The following RAB2A variants were observed in gnomAD, a reference collection of about 807,000 sequenced individuals.
RAB2A encodes the protein RAB2A, member RAS oncogene family, also known as ras-related protein Rab-2A.
A neutral mutation model predicts 32.5 loss-of-function variants in RAB2A; 7 were observed. That is an observed-to-expected ratio of 0.22 (90% CI 0.12 to 0.40). The LOEUF (loss-of-function observed/expected upper bound fraction) is 0.40, where lower values mean the gene tolerates loss of function less well. RAB2A is among the 10% of genes least tolerant of loss of function. The pLI is 1.00. For missense variants in RAB2A, 108 were observed against 260.7 expected (o/e 0.41, Z 4.03); for synonymous variants, 79 against 85.2 (o/e 0.93, Z 0.40).
At chr8:60,608,640 A>ATT (rs148617759) in intron 6 of RAB2A, among the ~76,000 whole-genome samples, 5 of 134,834 alleles carry the variant, frequency 3.7e-5, no homozygotes, top group African/African-American at 1.4e-4. Context: ...CCTTCCCCAG[A>ATT]TTTTTTTTAC....
intron 6 of RAB2A, among the ~76,000 whole-genome samples, chr8:60,593,763 G>A (rs946834214): frequency 4.6e-5 from 7 of 152,106 alleles, no homozygotes; most frequent in African/African-American, 1.7e-4. Context: ...ACAGTGAAAT[G>A]ACAGTGGTGT....
At chr8:60,553,202 T>G (rs1807883598) in intron 1 of RAB2A, among the ~76,000 whole-genome samples, 1 of 152,130 alleles carries the variant, frequency 6.6e-6, no homozygotes, top group Non-Finnish European at 1.5e-5. Flanking sequence ...TGAAATTGAT[T>G]GTTTATTTGG....
At chr8:60,571,658 T>A (rs1391237767) in intron 2 of RAB2A, among the ~76,000 whole-genome samples, 5 of 152,318 alleles carry the variant, frequency 3.3e-5, no homozygotes, top group Middle Eastern at 3.4e-3. Flanking sequence ...AATATATCTA[T>A]CCCTTTTAGT....
At chr8:60,609,891 C>G (rs1804306589) in intron 6 of RAB2A, among the ~76,000 whole-genome samples, 1 of 144,942 alleles carries the variant, frequency 6.9e-6, no homozygotes, top group Non-Finnish European at 1.5e-5. Context: ...CTCAGGAGGG[C>G]AAGGCTTCAG....
chr8:60,582,432 G>C (rs10808709), intron 3 of RAB2A, among the ~76,000 whole-genome samples: 58,800 of 151,992 alleles, frequency 0.39, 11,458 homozygotes, highest in East Asian at 0.55. Flanking sequence ...AGGATTTACA[G>C]ATGTCCACTC....
chr8:60,532,443 G>T (rs1807491017), intron 1 of RAB2A, among the ~76,000 whole-genome samples: 2 of 152,142 alleles, frequency 1.3e-5, no homozygotes, highest in African/African-American at 2.4e-5. Flanking sequence ...CTATGTAAAG[G>T]TATTTGTTAT....
rs1804181809 is a variant in RAB2A at position 60,603,998 on chromosome 8, AT to A, written c.474+12031del. On this transcript the variant is annotated intron_variant, in intron 6 of 7. Transcript: ENST00000262646. ...AATCTCATATTGAATTCTAATCCCC[AT>A]TGTTGGAGGTGGGGCCTGGTGGGAG... 2.6e-5 allele frequency among the ~76,000 whole-genome samples: 4 copies of A among 152,152 alleles called. No individual in the cohort carries two copies. In the South Asian group the frequency reaches 8.3e-4, roughly 31 times the overall value.
At chr8:60,616,597 A>AG (rs1320149225) in intron 6 of RAB2A, among the ~76,000 whole-genome samples, 2 of 152,282 alleles carry the variant, frequency 1.3e-5, no homozygotes, top group African/African-American at 4.8e-5. Context: ...GCTGAAAGCC[A>AG]GTTCCCTCTT....
intron 6 of RAB2A, among the ~76,000 whole-genome samples, chr8:60,609,869 G>A (rs752646513): frequency 6.6e-6 from 1 of 151,280 alleles, no homozygotes; most frequent in Non-Finnish European, 1.5e-5. Context: ...TGAGGTAGGA[G>A]GATCACTTGA....
At chr8:60,579,816 A>C (rs1803709691) in intron 3 of RAB2A, among the ~76,000 whole-genome samples, 1 of 151,696 alleles carries the variant, frequency 6.6e-6, no homozygotes, top group African/African-American at 2.4e-5. Flanking sequence ...TTTAGTAGAG[A>C]CAGGGTTTCA....
chr8:60,586,320 A>T (rs963581261), intron 5 of RAB2A, among the ~76,000 whole-genome samples: 15 of 151,716 alleles, frequency 9.9e-5, no homozygotes, highest in Non-Finnish European at 1.9e-4. Context: ...AAATAGCCTA[A>T]TTTTTTTGCC....
chr8:60,623,375 A>G lies in RAB2A; in HGVS notation c.*2606A>G, dbSNP rs867093028. 3 of 152,344 alleles carry G rather than the reference A, an allele frequency of 2.0e-5. No homozygotes were observed. Among genetic ancestry groups the G allele is most frequent in the South Asian group, 4.1e-4 (2 of 4,832 alleles). The allele number at this position is 152,344 out of a possible 1,614,324, so 9.4% of individuals were successfully genotyped here. ...TCCAATCACTCAGAAAAACTGATTC[A>G]TGTCTGGCTTTGCAACACCTTAAAC... On this transcript the variant is annotated 3_prime_UTR_variant, in exon 8 of 8. Transcript: ENST00000262646.
At chr8:60,586,003 T>A (rs1803839706) in intron 5 of RAB2A, among the ~76,000 whole-genome samples, 1 of 152,176 alleles carries the variant, frequency 6.6e-6, no homozygotes. Context: ...AGAAAATTTT[T>A]AAATGAACAG....
At chr8:60,613,404 G>T (rs1384687) in intron 6 of RAB2A, among the ~76,000 whole-genome samples, 1 of 151,966 alleles carries the variant, frequency 6.6e-6, no homozygotes, top group Non-Finnish European at 1.5e-5. Context: ...CCTATGAAGT[G>T]GGCTACATTT....
chr8:60,588,829 G>A (rs1486688673), intron 5 of RAB2A, among the ~76,000 whole-genome samples: 1 of 152,074 alleles, frequency 6.6e-6, no homozygotes, highest in African/African-American at 2.4e-5. Flanking sequence ...GTAAAACATC[G>A]TTATACTGTA....
Position 60,539,034 on chromosome 8 carries a change from GT to G in RAB2A, c.47-19809del, listed in dbSNP as rs200314323. Among the ~76,000 whole-genome samples the G allele has an allele frequency of 2.0e-5, 3 of 151,648 alleles. No individual in the cohort carries two copies. The South Asian group carries it at 6.2e-4, about 31-fold the overall frequency. On this transcript the variant is annotated intron_variant, in intron 1 of 7. Coordinates refer to ENST00000262646, the MANE Select transcript of RAB2A (RefSeq NM_002865.3). Reference sequence around the variant, plus strand: ...TAAAATTTTGTTTTAGAAATTGATAGTTTTTTTTTCTTGAGATGTAGGCTAG... The same window carrying G: ...TAAAATTTTGTTTTAGAAATTGATAGTTTTTTTTCTTGAGATGTAGGCTAG...
chr8:60,528,131 GC>G (rs912036900), intron 1 of RAB2A, among the ~76,000 whole-genome samples: 9 of 152,228 alleles, frequency 5.9e-5, no homozygotes, highest in Admixed American at 4.6e-4. Context: ...AGAGTACATA[GC>G]CTTCAATTCC....
chr8:60,578,074 T>C (rs1359919081), intron 3 of RAB2A, among the ~76,000 whole-genome samples: 1 of 152,200 alleles, frequency 6.6e-6, no homozygotes, highest in Non-Finnish European at 1.5e-5. Context: ...TCTACATAGC[T>C]GGAGCTGTTT....
rs151179616 is a variant in RAB2A, at chr8:60,536,957, C to T, written c.46+19704C>T. ...AGATTTTTCCTTTCATCTCTGTCCT[C>T]GTAAATATCAATTAAAAGAGAATAG... On this transcript the variant is annotated intron_variant, in intron 1 of 7. Transcript: ENST00000262646. 1.8e-4 allele frequency among the ~76,000 whole-genome samples: 28 copies of T among 152,244 alleles called. 1 individual carries two copies. The East Asian group carries it at 5.0e-3, about 27-fold the overall frequency.
Sources: allele counts gnomAD v4.1 joint callset (sites outside exome capture counted in the v4.1 genomes callset), GRCh38; gene constraint gnomAD v4.1.1; transcripts MANE v1.5; gene names NCBI Gene and HGNC (gene_info 2026-07-23, HGNC 2026-07-21).